The following SLC9A7 variants were observed in gnomAD, a reference collection of about 807,000 sequenced individuals.
SLC9A7 encodes solute carrier family 9 member A7, also known as sodium/hydrogen exchanger 7.
Under a neutral mutation model 52.6 loss-of-function variants are expected in SLC9A7, and 19 were observed. The ratio of observed to expected loss-of-function variants is 0.36; its 90% CI spans 0.25 to 0.53. SLC9A7 has a LOEUF of 0.53. Among genes scored for constraint, SLC9A7 ranks in the 20% least tolerant of loss-of-function variants. The pLI is 0.91. For synonymous variants in SLC9A7, 226 were observed against 252.1 expected (o/e 0.90, Z 0.98); for missense variants, 455 against 597.9 (o/e 0.76, Z 2.49).
At position 46,600,081 on chromosome X, in the gene SLC9A7, A is replaced by C. The variant is rs779626629; in HGVS notation, c.*6871T>G. ...CTATGAAGTCACACTTTGAACGATC[A>C]ATTTCAGTGGTAAATTCCCAATCCA... On this transcript the variant is annotated 3_prime_UTR_variant, in exon 17 of 17. Transcript: ENST00000616978. The C allele has an allele frequency of 2.2e-4, 25 of 111,920 alleles. No individual in the cohort carries two copies. The highest frequency in any genetic ancestry group is 4.1e-4 in the Non-Finnish European group (22 of 53,208). 9.2% of individuals were successfully genotyped at this position (111,920 alleles called of 1,213,427 possible).
intron 1 of SLC9A7, chrX:46,725,189 T>A (rs754628726): frequency 1.1e-6 from 1 of 896,724 alleles, no homozygotes; most frequent in South Asian, 2.0e-5. Flanking sequence ...GCAATCCAAA[T>A]TCATCCACCA....
chrX:46,633,241 T>C (rs1030645298), intron 13 of SLC9A7, among the ~76,000 whole-genome samples: 1 of 102,574 alleles, frequency 9.7e-6, no homozygotes, highest in Non-Finnish European at 2.0e-5. Context: ...GGGAAGGCCC[T>C]TGGGGTCTCT....
Position 46,648,642 on chromosome X carries a change from C to T in SLC9A7, c.1462+44G>A, listed in dbSNP as rs781491222. On this transcript the variant is annotated intron_variant, in intron 11 of 16. Coordinates refer to ENST00000616978, the MANE Select transcript of SLC9A7 (RefSeq NM_001257291.2). Reference sequence around the variant, plus strand: ...TTACATTTTAATCATATTCTTGTTACCTGCTGAATAAAACTCATTTTCTTT... The same window carrying T: ...TTACATTTTAATCATATTCTTGTTATCTGCTGAATAAAACTCATTTTCTTT... 7.0e-5 allele frequency: 66 copies of T among 947,128 alleles called. No individual in the cohort carries two copies. The Admixed American group carries it at 1.5e-3, about 21-fold the overall frequency. The allele number at this position is 947,128 out of a possible 1,213,427, so 78.1% of individuals were successfully genotyped here. A position where few individuals can be genotyped will look rare whatever the true frequency, so the allele number is the denominator to read the frequency against.
chrX:46,748,246 T>C (rs1477063939), intron 1 of SLC9A7, among the ~76,000 whole-genome samples: 1 of 107,867 alleles, frequency 9.3e-6, no homozygotes, highest in Non-Finnish European at 1.9e-5. Context: ...CTTGGGAGGA[T>C]GAGGCAGGAG....
chrX:46,606,724 A>G lies in SLC9A7; in HGVS notation c.*228T>C. 4 of 1,071,615 alleles carry G rather than the reference A, an allele frequency of 3.7e-6. No homozygotes were observed. Among genetic ancestry groups the G allele is most frequent in the East Asian group, 3.4e-5 (1 of 29,279 alleles). The allele number at this position is 1,071,615 out of a possible 1,213,427, so 88.3% of individuals were successfully genotyped here. A position where few individuals can be genotyped will look rare whatever the true frequency, so the allele number is the denominator to read the frequency against. On this transcript the variant is annotated 3_prime_UTR_variant, in exon 17 of 17. Transcript: ENST00000616978. The stretch of plus-strand genomic sequence containing the variant: ...TTTAACTCTGAAACAGCGCACTACT[A>G]TGTGAAAAAAGTGGGAATAGGTCTA...
At chrX:46,685,861 C>G (rs907978493) in intron 1 of SLC9A7, among the ~76,000 whole-genome samples, 4 of 111,932 alleles carry the variant, frequency 3.6e-5, no homozygotes, top group African/African-American at 1.3e-4. Context: ...CTTAAATTGT[C>G]ATCAGGAAGC....
chrX:46,698,185 ATTACCT>A (rs2146908291), intron 1 of SLC9A7, among the ~76,000 whole-genome samples: 1 of 111,518 alleles, frequency 9.0e-6, no homozygotes, highest in African/African-American at 3.3e-5. Context: ...GTGATATTCT[ATTACCT>A]TGTAAAGTAC....
At chrX:46,729,769 T>C (rs1569524334) in intron 1 of SLC9A7, among the ~76,000 whole-genome samples, 1 of 110,091 alleles carries the variant, frequency 9.1e-6, no homozygotes, top group Non-Finnish European at 1.9e-5. Context: ...CGAGACTCCA[T>C]CAAAAAAAGA....
chrX:46,616,747 TTC>T (rs1249438862), intron 15 of SLC9A7, among the ~76,000 whole-genome samples: 1 of 112,029 alleles, frequency 8.9e-6, no homozygotes, highest in Non-Finnish European at 1.9e-5. Flanking sequence ...AGGTTCAGAC[TTC>T]TTTTTTTCAT....
chrX:46,729,486 C>T (rs1569524304), intron 1 of SLC9A7, among the ~76,000 whole-genome samples: 1 of 112,033 alleles, frequency 8.9e-6, no homozygotes, highest in African/African-American at 3.2e-5. Context: ...GAAATTATCT[C>T]TTGCTGGCTG....
At chrX:46,720,070 G>T (rs1385684385) in intron 1 of SLC9A7, among the ~76,000 whole-genome samples, 1 of 111,510 alleles carries the variant, frequency 9.0e-6, no homozygotes, top group Non-Finnish European at 1.9e-5. Context: ...CATTACTGAG[G>T]ACCTCAATAG....
At chrX:46,673,663 A>G (rs994135930) in intron 3 of SLC9A7, among the ~76,000 whole-genome samples, 14 of 112,362 alleles carry the variant, frequency 1.2e-4, no homozygotes, top group Non-Finnish European at 1.9e-5. Flanking sequence ...GAGCAACATC[A>G]GAAAAAAACA....
intron 1 of SLC9A7, among the ~76,000 whole-genome samples, chrX:46,746,419 A>C (rs1344360877): frequency 1.3e-4 from 15 of 111,566 alleles, no homozygotes; most frequent in Non-Finnish European, 2.8e-4. Context: ...AATAACCAGA[A>C]TATATAAGGA....
Position 46,601,566 on chromosome X carries a change from C to A in SLC9A7, c.*5386G>T. ...ACATTTTCGGGTCTAGAGAACACAG[C>A]CTGAAGAGATCCTTGCTGTTTGCTT... On this transcript the variant is annotated 3_prime_UTR_variant, in exon 17 of 17. Transcript: ENST00000616978. 1 of 112,586 alleles carries A rather than the reference C, an allele frequency of 8.9e-6. No homozygotes were observed. The highest frequency in any genetic ancestry group is 2.8e-4 in the East Asian group (1 of 3,602). The allele number at this position is 112,586 out of a possible 1,213,427, so 9.3% of individuals were successfully genotyped here. A position where few individuals can be genotyped will look rare whatever the true frequency, so the allele number is the denominator to read the frequency against.
At chrX:46,650,378 C>A (rs1238226062) in intron 10 of SLC9A7, among the ~76,000 whole-genome samples, 1 of 111,773 alleles carries the variant, frequency 8.9e-6, no homozygotes, top group Non-Finnish European at 1.9e-5. Context: ...GAAGCCAATC[C>A]CCCAAACTAT....
chrX:46,621,056 C>G lies in SLC9A7; in HGVS notation c.1744G>C (p.Gly582Arg). 3 of 1,192,866 alleles carry G rather than the reference C, an allele frequency of 2.5e-6. No homozygotes were observed. Among genetic ancestry groups the G allele is most frequent in the Non-Finnish European group, 3.4e-6 (3 of 880,431 alleles). ...NDSFQVLQGD[G>R]PDSARGNRTK... ...CGGTTTCCTCTGGCAGAATCTGGGC[C>G]GTCCTAGGAACAAACAAGAGGGCAC... The change falls in exon 15 of 17, where the codon GGC becomes CGC. Residue 582 changes from glycine (G) to arginine (R), a missense_variant. Coordinates refer to ENST00000616978, the MANE Select transcript of SLC9A7 (RefSeq NM_001257291.2).
rs1299862311 is a variant in SLC9A7, at chrX:46,600,955, GAAC to G, written c.*5994_*5996del. 2 of 111,838 alleles carry G rather than the reference GAAC, an allele frequency of 1.8e-5. No individual in the cohort carries two copies. The highest frequency in any genetic ancestry group is 6.5e-5 in the African/African-American group (2 of 30,770). The allele number at this position is 111,838 out of a possible 1,213,427, so 9.2% of individuals were successfully genotyped here. On this transcript the variant is annotated 3_prime_UTR_variant, in exon 17 of 17. Coordinates refer to ENST00000616978, the MANE Select transcript of SLC9A7 (RefSeq NM_001257291.2). ...CTGGCAATCCAGAGTGTCAGTTAAA[GAAC>G]AACAGAATAGCTCAGAACTCAATGA...
intron 12 of SLC9A7, 42 bp from the exon 13 acceptor site, chrX:46,635,690 C>A (rs200140174): frequency 1.0e-6 from 1 of 1,000,377 alleles, no homozygotes; most frequent in Non-Finnish European, 1.4e-6. Flanking sequence ...ACAGGGACAA[C>A]AGGAGAGCCA....
chrX:46,635,987 G>T (rs754494742), intron 12 of SLC9A7, among the ~76,000 whole-genome samples: 1 of 111,566 alleles, frequency 9.0e-6, no homozygotes, highest in South Asian at 3.7e-4. Context: ...TGTTTATAAA[G>T]ATACCAAAAA....
Sources: gnomAD v4.1 joint callset for allele counts (sites outside exome capture counted in the v4.1 genomes callset) on GRCh38, gnomAD v4.1.1 for gene constraint, MANE v1.5 for transcripts, NCBI Gene and HGNC (gene_info 2026-07-23, HGNC 2026-07-21) for gene names.